The following ZNF682 variants were observed in gnomAD, a reference collection of about 807,000 sequenced individuals.
The protein encoded by ZNF682 is zinc finger protein 682.
A neutral mutation model predicts 36.5 loss-of-function variants in ZNF682; 29 were observed. The ratio of observed to expected loss-of-function variants is 0.80; its 90% CI spans 0.59 to 1.08. ZNF682 has a LOEUF of 1.08. Ranked by LOEUF, ZNF682 falls within the 50% of genes least tolerant of loss-of-function variation. The pLI, the probability that ZNF682 is intolerant of heterozygous loss-of-function variation, is 0.00. For missense variants in ZNF682, 561 were observed against 579.7 expected, an observed-to-expected ratio of 0.97 and a Z score of 0.33; for synonymous variants, 180 against 197.0, an observed-to-expected ratio of 0.91 and a Z score of 0.72.
downstream of ZNF682, among the ~76,000 whole-genome samples, chr19:20,003,739 A>C (rs2088186731): frequency 6.6e-6 from 1 of 152,100 alleles, no homozygotes; most frequent in Non-Finnish European, 1.5e-5. Context: ...CATTAGGTCT[A>C]CTATCAATAC....
chr19:20,035,600 AGAAAATTATCT>A (rs1599619865), intron 1 of ZNF682, among the ~76,000 whole-genome samples: 2 of 152,252 alleles, frequency 1.3e-5, no homozygotes, highest in East Asian at 3.8e-4. Flanking sequence ...ATGTAGTATT[AGAAAATTATCT>A]GTAATATTAA....
At chr19:20,031,368 C>T (rs766073507) in intron 1 of ZNF682, among the ~76,000 whole-genome samples, 16 of 152,162 alleles carry the variant, frequency 1.1e-4, no homozygotes, top group Non-Finnish European at 2.9e-5. Flanking sequence ...CACACAACTG[C>T]AGCAGGTCAG....
At chr19:20,012,316 G>T (rs1229147794) in intron 3 of ZNF682, among the ~76,000 whole-genome samples, 1 of 151,796 alleles carries the variant, frequency 6.6e-6, no homozygotes, top group Non-Finnish European at 1.5e-5. Context: ...AGATAAACAA[G>T]ATCACTAGAT....
chr19:20,011,584 G>A (rs1347632764), intron 3 of ZNF682, among the ~76,000 whole-genome samples: 1 of 152,140 alleles, frequency 6.6e-6, no homozygotes, highest in Non-Finnish European at 1.5e-5. Context: ...CAGAAAAATT[G>A]AAATCATCTT....
chr19:20,015,444 C>CT (rs2088326616), intron 3 of ZNF682: 1 of 979,460 alleles, frequency 1.0e-6, no homozygotes, highest in Admixed American at 6.2e-5. Flanking sequence ...GAGCTGAATA[C>CT]TGTCATACAA....
intron 3 of ZNF682, among the ~76,000 whole-genome samples, chr19:20,012,170 AAAG>A (rs1486819696): frequency 1.3e-5 from 2 of 152,238 alleles, no homozygotes; most frequent in African/African-American, 2.4e-5. Context: ...TACCATGCAT[AAAG>A]AAATGAGAAA....
intron 3 of ZNF682, among the ~76,000 whole-genome samples, chr19:20,018,283 C>T (rs1369231738): frequency 1.3e-5 from 2 of 150,966 alleles, no homozygotes; most frequent in Non-Finnish European, 3.0e-5. Context: ...TTAGTAGAGA[C>T]GGGGTTTCAC....
chr19:19,999,694 C>A (rs138539330), downstream of ZNF682, among the ~76,000 whole-genome samples: 1 of 152,282 alleles, frequency 6.6e-6, no homozygotes, highest in East Asian at 1.9e-4. Flanking sequence ...ACCACCATAC[C>A]TGGTTAACTT....
At chr19:20,021,847 A>G (rs748520307) in intron 3 of ZNF682, among the ~76,000 whole-genome samples, 16 of 152,182 alleles carry the variant, frequency 1.1e-4, no homozygotes. Context: ...AAAATTACTG[A>G]GTAGGAATTT....
At chr19:20,000,110 G>A (rs1362665492), downstream of ZNF682, among the ~76,000 whole-genome samples, 1 of 152,216 alleles carries the variant, frequency 6.6e-6, no homozygotes, top group Non-Finnish European at 1.5e-5. Flanking sequence ...ACATGGGAGA[G>A]GAGGCTGAGT....
At chr19:20,002,249 A>ATTTTTTTT (rs10610980), downstream of ZNF682, among the ~76,000 whole-genome samples, 1 of 127,376 alleles carries the variant, frequency 7.9e-6, no homozygotes. Flanking sequence ...CCCCTGGCTA[A>ATTTTTTTT]TTTTTTTTTT....
rs1212813592 is a variant in ZNF682, at chr19:20,007,138, C to T, written c.364G>A (p.Glu122Lys). ...HLRKDGENVG[E>K]CKDQKEIYNG... ...TAAATTTCTTTTTGATCCTTACACT[C>T]ACCCACATTTTCCCCATCCTTCCTT... is the stretch of plus-strand genomic sequence containing the variant. Residue 122 changes from glutamate (E) to lysine (K), a missense_variant, in exon 4 of 4, where the codon GAG becomes AAG. Transcript: ENST00000397165. 1 of 1,613,574 alleles carries T rather than the reference C, an allele frequency of 6.2e-7. No homozygotes were observed. Among genetic ancestry groups the T allele is most frequent in the Admixed American group, 1.7e-5 (1 of 60,016 alleles).
At chr19:20,026,031 TG>T (rs2088428403) in intron 1 of ZNF682, among the ~76,000 whole-genome samples, 1 of 151,910 alleles carries the variant, frequency 6.6e-6, no homozygotes, top group African/African-American at 2.4e-5. Flanking sequence ...GGCCAGGTGC[TG>T]TGGCTCACGC....
chr19:20,028,439 T>C (rs2088451434), intron 1 of ZNF682, among the ~76,000 whole-genome samples: 1 of 152,146 alleles, frequency 6.6e-6, no homozygotes. Flanking sequence ...CTTGAACTCC[T>C]GACCTCAGGT....
At chr19:20,001,180 C>T (rs570267516), downstream of ZNF682, among the ~76,000 whole-genome samples, 106 of 152,332 alleles carry the variant, frequency 7.0e-4, 1 homozygote, top group Non-Finnish European at 7.2e-4. Flanking sequence ...TTTCACTTTA[C>T]ATCAAGCCAT....
chr19:20,028,312 A>C (rs923047498), intron 1 of ZNF682, among the ~76,000 whole-genome samples: 2 of 151,976 alleles, frequency 1.3e-5, no homozygotes, highest in African/African-American at 2.4e-5. Context: ...GGCTCAAGTG[A>C]TTCTCCTGCC....
rs2088225206 is a variant in ZNF682 at position 20,006,686 on chromosome 19, A to G, written c.816T>C (p.Phe272=). 6.2e-7 allele frequency: 1 copy of G among 1,613,926 alleles called. No homozygotes were observed. Among genetic ancestry groups the G allele is most frequent in the Non-Finnish European group, 8.5e-7 (1 of 1,180,010 alleles). ...CGKAFHWCSP[F]VRHKKIHTGE... is the part of the protein sequence containing the mutation. ...CTGTATGAATTTTCTTATGTCTAACAAAGGGTGAACACCAGTGAAAGGCTT... is the reference window on the plus strand; with the variant it reads ...CTGTATGAATTTTCTTATGTCTAACGAAGGGTGAACACCAGTGAAAGGCTT... Residue 272 remains phenylalanine (F), a synonymous_variant, in exon 4 of 4, where the codon TTT becomes TTC. Coordinates refer to ENST00000397165, the MANE Select transcript of ZNF682 (RefSeq NM_033196.3).
intron 1 of ZNF682, among the ~76,000 whole-genome samples, chr19:20,026,940 G>A (rs1374023308): frequency 6.6e-6 from 1 of 152,084 alleles, no homozygotes; most frequent in Non-Finnish European, 1.5e-5. Flanking sequence ...AAGAAGAAAA[G>A]GAGGAAAAAA....
chr19:20,013,624 A>C (rs1345648322), intron 3 of ZNF682, among the ~76,000 whole-genome samples: 1 of 152,126 alleles, frequency 6.6e-6, no homozygotes, highest in Non-Finnish European at 1.5e-5. Context: ...CTTGTTGCCC[A>C]GGCTGGAGCG....
Sources: allele counts gnomAD v4.1 joint callset (sites outside exome capture counted in the v4.1 genomes callset), GRCh38; gene constraint gnomAD v4.1.1; transcripts MANE v1.5; gene names NCBI Gene and HGNC (gene_info 2026-07-23, HGNC 2026-07-21).